Variants in MELK observed in about 807,000 individuals in gnomAD.
MELK encodes pEg3 kinase.
MELK carries 81 observed loss-of-function variants against 85.0 expected under a neutral mutation model. The ratio of observed to expected loss-of-function variants is 0.95; its 90% confidence interval spans 0.80 to 1.15. The LOEUF (loss-of-function observed/expected upper bound fraction) is 1.15. MELK is among the 50% of genes most tolerant of loss of function. MELK has a pLI of 0.00. For synonymous variants in MELK, 252 were observed against 265.0 expected (o/e 0.95, Z 0.48); for missense variants, 754 against 777.5 (o/e 0.97, Z 0.36).
chr9:36,626,203 A>G (rs1282375660), intron 8 of MELK, among the ~76,000 whole-genome samples: 2 of 152,142 alleles, frequency 1.3e-5, no homozygotes, highest in Non-Finnish European at 2.9e-5. Flanking sequence ...AGTTTTGCCT[A>G]GGCTTTTCCA....
chr9:36,599,044 C>G lies in MELK; in HGVS notation c.475-350C>G, dbSNP rs1034567995. The stretch of plus-strand genomic sequence containing the variant: ...GCGTGGTGGCTCATTGCCTGTAATC[C>G]CGGCACTTTGGGAGGCCGAGGCGGG... On this transcript the variant is annotated intron_variant, in intron 6 of 17. Transcript: ENST00000298048. Among the ~76,000 whole-genome samples, 10 of 152,110 alleles carry G rather than the reference C, an allele frequency of 6.6e-5. No homozygotes were observed. The South Asian group carries it at 8.3e-4, about 13-fold the overall frequency.
In MELK at chr9:36,607,574, G is replaced by A. The variant is rs1825682288; in HGVS notation, c.568-1G>A. Reference sequence around the variant, plus strand: ...TTTTTCTTTTTCCCTCTTTCTCTCAGGCAGATGTTTGGAGCATGGGCATAC... The same window carrying A: ...TTTTTCTTTTTCCCTCTTTCTCTCAAGCAGATGTTTGGAGCATGGGCATAC... On this transcript the variant is annotated splice_acceptor_variant, in intron 7 of 17. Coordinates refer to ENST00000298048, the MANE Select transcript of MELK (RefSeq NM_014791.4). LOFTEE classifies it high-confidence loss of function. 1 of 1,604,402 alleles carries A rather than the reference G, an allele frequency of 6.2e-7. No homozygotes were observed. Among genetic ancestry groups the A allele is most frequent in the Non-Finnish European group, 8.5e-7 (1 of 1,172,760 alleles).
At chr9:36,647,058 C>G (rs1009051278) in intron 11 of MELK, among the ~76,000 whole-genome samples, 17 of 152,184 alleles carry the variant, frequency 1.1e-4, no homozygotes, top group Non-Finnish European at 1.5e-4. Context: ...TTATTGAACA[C>G]AGAACTCTCC....
chr9:36,590,440 A>T (rs1823422584), intron 4 of MELK, among the ~76,000 whole-genome samples: 2 of 150,988 alleles, frequency 1.3e-5, no homozygotes, highest in Non-Finnish European at 3.0e-5. Flanking sequence ...AGTCCTTGGC[A>T]CTCCTTGGTT....
intron 1 of MELK, among the ~76,000 whole-genome samples, chr9:36,577,409 G>T (rs1472213808): frequency 6.6e-6 from 1 of 152,096 alleles, no homozygotes; most frequent in African/African-American, 2.4e-5. Flanking sequence ...CCAGCTACTT[G>T]GGAGGCTGAG....
chr9:36,649,867 T>G (rs962504246), intron 11 of MELK, among the ~76,000 whole-genome samples: 2 of 152,174 alleles, frequency 1.3e-5, no homozygotes, highest in African/African-American at 4.8e-5. Flanking sequence ...GGAGGATTGG[T>G]TGAGGCCAGG....
chr9:36,648,611 C>A (rs1344743422), intron 11 of MELK, among the ~76,000 whole-genome samples: 1 of 152,202 alleles, frequency 6.6e-6, no homozygotes, highest in Non-Finnish European at 1.5e-5. Context: ...TCTCAAATTC[C>A]CTTCCCTATT....
intron 8 of MELK, among the ~76,000 whole-genome samples, chr9:36,615,920 A>G (rs1458163191): frequency 1.3e-5 from 2 of 148,678 alleles, no homozygotes; most frequent in East Asian, 2.0e-4. Context: ...ATGGGCAGCC[A>G]GGCAGAGACA....
chr9:36,657,122 T>G, intron 12 of MELK, 119 bp from the exon 13 acceptor site: 1 of 1,173,912 alleles, frequency 8.5e-7, no homozygotes, highest in Non-Finnish European at 1.2e-6. Context: ...CACACAGTGA[T>G]AAAATTGCCT....
rs568149698 is a variant in MELK, at chr9:36,636,090, A to C, written c.834+2890A>C. Reference sequence around the variant, plus strand: ...GCGTGAGCCACTGTGCCTGGCCTTAAAAATGCTTTTTTTCAAACAAATGGC... The same window carrying C: ...GCGTGAGCCACTGTGCCTGGCCTTACAAATGCTTTTTTTCAAACAAATGGC... On this transcript the variant is annotated intron_variant, in intron 10 of 17. Transcript: ENST00000298048. Among the ~76,000 whole-genome samples the C allele has an allele frequency of 2.8e-4, 43 of 152,170 alleles. No individual in the cohort carries two copies. In the South Asian group the frequency reaches 8.1e-3, roughly 29 times the overall value.
chr9:36,642,476 T>C (rs1242518882), intron 10 of MELK, among the ~76,000 whole-genome samples: 1 of 141,868 alleles, frequency 7.0e-6, no homozygotes. Context: ...TTGCCCAGGC[T>C]GGAGTGCAGT....
At chr9:36,650,734 A>G (rs1341472337) in intron 11 of MELK, among the ~76,000 whole-genome samples, 2 of 152,240 alleles carry the variant, frequency 1.3e-5, no homozygotes, top group South Asian at 2.1e-4. Flanking sequence ...CTTAGGATCT[A>G]GGAAACTGGG....
rs7034205 is a variant in MELK, at chr9:36,614,255, G to T, written c.666+6582G>T. Among the ~76,000 whole-genome samples, 1,268 of 151,876 alleles carry T rather than the reference G, an allele frequency of 8.3e-3. 21 individuals are homozygous for T. The highest frequency in any genetic ancestry group is 0.029 in the African/African-American group (1,205 of 41,420). On this transcript the variant is annotated intron_variant, in intron 8 of 17. Coordinates refer to ENST00000298048, the MANE Select transcript of MELK (RefSeq NM_014791.4). ...GGATTATAGGTCCTTGCCACCATGC[G>T]TGGCTAAGTTTTGTAGTTTTAGTAG...
At chr9:36,626,637 A>G (rs1827953340) in intron 8 of MELK, among the ~76,000 whole-genome samples, 1 of 151,996 alleles carries the variant, frequency 6.6e-6, no homozygotes, top group African/African-American at 2.4e-5. Flanking sequence ...CAGTTCATCT[A>G]TATCTTGTTA....
chr9:36,615,437 G>A (rs866413279), intron 8 of MELK, among the ~76,000 whole-genome samples: 5 of 141,700 alleles, frequency 3.5e-5, no homozygotes, highest in Admixed American at 6.8e-5. Context: ...CTGGCCAGGC[G>A]GGGGGCTGAC....
chr9:36,644,209 TTGTGTGTGTGTG>T (rs55796800), intron 11 of MELK, among the ~76,000 whole-genome samples: 192 of 145,402 alleles, frequency 1.3e-3, no homozygotes, highest in South Asian at 1.8e-3. Context: ...TACCTGTGTT[TTGTGTGTGTGTG>T]TGTGTGTGTG....
chr9:36,574,299 T>A (rs561254753), intron 1 of MELK, among the ~76,000 whole-genome samples: 1 of 152,060 alleles, frequency 6.6e-6, no homozygotes, highest in African/African-American at 2.4e-5. Flanking sequence ...TATAAACCAT[T>A]CTGAGCCCGG....
chr9:36,619,172 T>C lies in MELK; in HGVS notation c.667-11127T>C, dbSNP rs7041083. ...CAGTGTTTCACCATGTTGGTCAGGCTGGTCTTGAACTCCTGACCTCAAATG... is the reference window on the plus strand; with the variant it reads ...CAGTGTTTCACCATGTTGGTCAGGCCGGTCTTGAACTCCTGACCTCAAATG... On this transcript the variant is annotated intron_variant, in intron 8 of 17. Coordinates refer to ENST00000298048, the MANE Select transcript of MELK (RefSeq NM_014791.4). 1.6e-3 allele frequency among the ~76,000 whole-genome samples: 246 copies of C among 152,286 alleles called. 1 individual carries two copies. Among genetic ancestry groups the C allele is most frequent in the African/African-American group, 5.5e-3 (227 of 41,564 alleles).
rs565820355 is a variant in MELK, at chr9:36,654,512, C to T, written c.1053+2635C>T. On this transcript the variant is annotated intron_variant, in intron 12 of 17. Coordinates refer to ENST00000298048, the MANE Select transcript of MELK (RefSeq NM_014791.4). ...CTGGGATTACAGGTGTGTGCCACCA[C>T]ACCTATCTAATTTTTGTATTTTTAG... is the stretch of plus-strand genomic sequence containing the variant. 2.0e-5 allele frequency among the ~76,000 whole-genome samples: 3 copies of T among 151,748 alleles called. No individual in the cohort carries two copies. The South Asian group carries it at 6.3e-4, about 32-fold the overall frequency.
Sources: allele counts gnomAD v4.1 joint callset (sites outside exome capture counted in the v4.1 genomes callset), GRCh38; gene constraint gnomAD v4.1.1; transcripts MANE v1.5; gene names NCBI Gene and HGNC (gene_info 2026-07-23, HGNC 2026-07-21).